DAB1: variants seen among roughly 807,000 people sequenced by gnomAD.
DAB1 encodes disabled homolog 1.
Under a neutral mutation model 64.6 loss-of-function variants are expected in DAB1, and 15 were observed. That is an observed-to-expected ratio of 0.23 (90% CI 0.16 to 0.36). DAB1 has a LOEUF of 0.36. Among genes scored for constraint, DAB1 ranks in the 10% least tolerant of loss-of-function variants. The pLI, the probability that DAB1 is intolerant of heterozygous loss-of-function variation, is 1.00. For missense variants in DAB1, 596 were observed against 706.7 expected, an observed-to-expected ratio of 0.84 and a Z score of 1.78; for synonymous variants, 235 against 251.9, an observed-to-expected ratio of 0.93 and a Z score of 0.64.
At chr1:58,124,580 G>C (rs999728515) in intron 5 of DAB1, among the ~76,000 whole-genome samples, 1 of 152,136 alleles carries the variant, frequency 6.6e-6, no homozygotes, top group Admixed American at 6.6e-5. Flanking sequence ...TAATAAGCTA[G>C]ATATGAAGGC....
chr1:58,308,437 C>T (rs945652253), intron 4 of DAB1, among the ~76,000 whole-genome samples: 2 of 152,116 alleles, frequency 1.3e-5, no homozygotes, highest in African/African-American at 4.8e-5. Context: ...CTCAATGGAT[C>T]AGAGGCCTAG....
At chr1:58,523,553 G>T (rs182664152) in intron 2 of DAB1, among the ~76,000 whole-genome samples, 221 of 152,280 alleles carry the variant, frequency 1.5e-3, no homozygotes, top group Admixed American at 5.4e-3. Context: ...GACGCCTTCA[G>T]TGTTGAACTC....
At chr1:57,934,153 C>T (rs1644993583) in intron 5 of DAB1, among the ~76,000 whole-genome samples, 1 of 150,896 alleles carries the variant, frequency 6.6e-6, no homozygotes, top group African/African-American at 2.4e-5. Flanking sequence ...TCTCAAACCC[C>T]TGACCTCGTG....
At chr1:58,373,737 C>T (rs1020970110) in intron 3 of DAB1, among the ~76,000 whole-genome samples, 1 of 151,910 alleles carries the variant, frequency 6.6e-6, no homozygotes, top group African/African-American at 2.4e-5. Context: ...AGTTCTAGAT[C>T]CCTAAGGAAT....
At chr1:57,133,100 T>A (rs1037482153) in intron 4 of DAB1, among the ~76,000 whole-genome samples, 4 of 152,172 alleles carry the variant, frequency 2.6e-5, no homozygotes, top group African/African-American at 9.7e-5. Context: ...CGTAGCATAC[T>A]TAGATTGGTG....
chr1:57,873,497 C>T (rs2101960184), intron 1 of DAB1, among the ~76,000 whole-genome samples: 1 of 152,240 alleles, frequency 6.6e-6, no homozygotes, highest in East Asian at 1.9e-4. Context: ...TAGAGGAAGC[C>T]AAGTAGTTTC....
At chr1:58,091,049 G>A (rs192058098) in intron 5 of DAB1, among the ~76,000 whole-genome samples, 5 of 152,272 alleles carry the variant, frequency 3.3e-5, no homozygotes, top group Admixed American at 1.3e-4. Flanking sequence ...ATGGTCCTCA[G>A]TACTTCCTGT....
In DAB1 at chr1:58,207,361, T is replaced by C. The variant is rs189006899; in HGVS notation, n.310-56773A>G. Among the ~76,000 whole-genome samples, 397 of 152,338 alleles carry C rather than the reference T, an allele frequency of 2.6e-3. 1 individual carries two copies. The highest frequency in any genetic ancestry group is 6.8e-3 in the Middle Eastern group (2 of 294). On this transcript the variant is annotated intron_variant and non_coding_transcript_variant, in intron 4 of 20. Transcript: ENST00000485760. The stretch of plus-strand genomic sequence containing the variant: ...AGGGTAGGAAAACATCTATGCATGG[T>C]TGGGAAAAGAGAAAGTTCCCTAGGT...
chr1:57,788,798 T>C (rs1225565472), intron 6 of DAB1, among the ~76,000 whole-genome samples: 1 of 152,186 alleles, frequency 6.6e-6, no homozygotes, highest in Non-Finnish European at 1.5e-5. Flanking sequence ...TGTAAATATG[T>C]GTAAATGGTT....
intron 7 of DAB1, among the ~76,000 whole-genome samples, chr1:57,438,684 C>T (rs763432064): frequency 2.6e-5 from 4 of 152,170 alleles, no homozygotes; most frequent in Admixed American, 6.5e-5. Context: ...GGGATAGTAA[C>T]ATCCCTTTAT....
chr1:58,192,964 A>T (rs1033990836), intron 4 of DAB1, among the ~76,000 whole-genome samples: 1 of 152,158 alleles, frequency 6.6e-6, no homozygotes, highest in Non-Finnish European at 1.5e-5. Flanking sequence ...TAGGATGGTA[A>T]ATTTTGTGTT....
At position 58,315,342 on chromosome 1, in the gene DAB1, C is replaced by T. The variant is rs6701441; in HGVS notation, n.309+28010G>A. 7.1e-3 allele frequency among the ~76,000 whole-genome samples: 1,081 copies of T among 152,248 alleles called. 13 individuals carry two copies. The highest frequency in any genetic ancestry group is 0.025 in the African/African-American group (1,043 of 41,526). On this transcript the variant is annotated intron_variant and non_coding_transcript_variant, in intron 4 of 20. Coordinates refer to the DAB1 transcript ENST00000485760. ...ACTACAGAAAATTTGAGAAGCATTG[C>T]TCCAACTTACTCCATTTGTGCCAAA...
At chr1:58,544,663 C>A (rs939873919) in intron 1 of DAB1, among the ~76,000 whole-genome samples, 2 of 152,150 alleles carry the variant, frequency 1.3e-5, no homozygotes, top group Admixed American at 6.5e-5. Flanking sequence ...GGTGCCACCT[C>A]GGCTCACTGC....
chr1:57,492,013 G>C (rs1420775187), intron 7 of DAB1, among the ~76,000 whole-genome samples: 1 of 152,222 alleles, frequency 6.6e-6, no homozygotes, highest in Non-Finnish European at 1.5e-5. Context: ...CAGAGAATGA[G>C]TGTTGAAAAA....
At chr1:57,344,267 G>A (rs1347124259) in intron 1 of DAB1, among the ~76,000 whole-genome samples, 1 of 152,106 alleles carries the variant, frequency 6.6e-6, no homozygotes, top group African/African-American at 2.4e-5. Flanking sequence ...TTTGTAACCA[G>A]AGCACTGAGA....
At chr1:58,541,236 G>C (rs1362384600) in intron 1 of DAB1, among the ~76,000 whole-genome samples, 10 of 132,848 alleles carry the variant, frequency 7.5e-5, no homozygotes, top group Non-Finnish European at 1.4e-4. Context: ...GGAGGTTGCA[G>C]TGAGCCGAGA....
chr1:57,074,507 G>A (rs904621707), intron 4 of DAB1, among the ~76,000 whole-genome samples: 2 of 152,138 alleles, frequency 1.3e-5, no homozygotes, highest in African/African-American at 4.8e-5. Flanking sequence ...CGTAGTTCTA[G>A]ACCACTGATC....
chr1:57,025,709 G>T (rs1646762980), intron 10 of DAB1, among the ~76,000 whole-genome samples: 1 of 152,212 alleles, frequency 6.6e-6, no homozygotes, highest in Non-Finnish European at 1.5e-5. Flanking sequence ...CAGCAGAACA[G>T]CAAGCACCCA....
intron 5 of DAB1, among the ~76,000 whole-genome samples, chr1:58,109,073 A>T (rs1651828508): frequency 1.3e-5 from 2 of 152,228 alleles, no homozygotes; most frequent in Non-Finnish European, 2.9e-5. Context: ...AATGTTATTA[A>T]AAAACAAGGT....
Sources: allele counts gnomAD v4.1 joint callset (sites outside exome capture counted in the v4.1 genomes callset), GRCh38; gene constraint gnomAD v4.1.1; transcripts MANE v1.5; gene names NCBI Gene and HGNC (gene_info 2026-07-23, HGNC 2026-07-21).